BARX2: variants seen among roughly 807,000 people sequenced by gnomAD.
BARX2 encodes homeobox protein BarH-like 2.
A neutral mutation model predicts 25.5 loss-of-function variants in BARX2; 11 were observed. The observed-to-expected ratio is 0.43, with a 90% CI of 0.27 to 0.71. The LOEUF (loss-of-function observed/expected upper bound fraction) is 0.71, where lower values mean the gene tolerates loss of function less well. Among genes scored for constraint, BARX2 ranks in the 30% least tolerant of loss-of-function variants. The pLI is 0.19. For synonymous variants in BARX2, 137 were observed against 149.5 expected, an observed-to-expected ratio of 0.92 and a Z score of 0.61; for missense variants, 360 against 359.9, an observed-to-expected ratio of 1.00 and a Z score of 0.00.
At chr11:129,400,059 C>T (rs1055506998) in intron 1 of BARX2, among the ~76,000 whole-genome samples, 2 of 152,176 alleles carry the variant, frequency 1.3e-5, no homozygotes, top group South Asian at 2.1e-4. Context: ...TGATTAGAAC[C>T]GTAGACCTTT....
intron 1 of BARX2, among the ~76,000 whole-genome samples, chr11:129,430,200 T>C (rs945723283): frequency 1.3e-5 from 2 of 152,216 alleles, no homozygotes; most frequent in African/African-American, 4.8e-5. Context: ...TTCATTTCTT[T>C]GGGAATTTAC....
chr11:129,383,312 A>G (rs1861586705), intron 1 of BARX2, among the ~76,000 whole-genome samples: 1 of 152,208 alleles, frequency 6.6e-6, no homozygotes, highest in Admixed American at 6.5e-5. Flanking sequence ...TTATATGGCA[A>G]TTTAACTTCT....
At chr11:129,418,414 G>A (rs1186266565) in intron 1 of BARX2, among the ~76,000 whole-genome samples, 1 of 152,102 alleles carries the variant, frequency 6.6e-6, no homozygotes, top group African/African-American at 2.4e-5. Context: ...CAGCCCAAGC[G>A]GTTCCCCAGG....
At chr11:129,438,951 G>A (rs1373027514) in intron 2 of BARX2, among the ~76,000 whole-genome samples, 1 of 152,210 alleles carries the variant, frequency 6.6e-6, no homozygotes, top group Admixed American at 6.5e-5. Context: ...ACAAGGCAAA[G>A]AAGCGTGTCT....
chr11:129,426,478 T>C (rs1862064428), intron 1 of BARX2, among the ~76,000 whole-genome samples: 1 of 151,858 alleles, frequency 6.6e-6, no homozygotes, highest in Non-Finnish European at 1.5e-5. Context: ...GTTAAAGCAA[T>C]TCATCTGCCT....
rs1193586499 is a variant in BARX2, at chr11:129,376,951, G to T, written c.187+729G>T. Among the ~76,000 whole-genome samples, 1 of 152,224 alleles carries T rather than the reference G, an allele frequency of 6.6e-6. No homozygotes were observed. The highest frequency in any genetic ancestry group is 1.5e-5 in the Non-Finnish European group (1 of 68,034). On this transcript the variant is annotated intron_variant, in intron 1 of 3. Transcript: ENST00000281437. The surrounding 1 kb of genome is among the most constrained non-coding windows in gnomAD (Gnocchi z 4.2). Reference sequence around the variant, plus strand: ...AGAACTTAATACATATATTGAAAACGTAGTAGAGTTTCTATCGAAAATAAA... The same window carrying T: ...AGAACTTAATACATATATTGAAAACTTAGTAGAGTTTCTATCGAAAATAAA...
At chr11:129,401,784 C>T (rs561592354) in intron 1 of BARX2, among the ~76,000 whole-genome samples, 34 of 152,064 alleles carry the variant, frequency 2.2e-4, no homozygotes, top group Middle Eastern at 3.4e-3. Flanking sequence ...GGTGAAACCC[C>T]GTCTCTGCGA....
Position 129,389,728 on chromosome 11 carries a change from G to A in BARX2, c.187+13506G>A, listed in dbSNP as rs200422644. 5.3e-3 allele frequency among the ~76,000 whole-genome samples: 766 copies of A among 145,690 alleles called. 4 individuals are homozygous for A. Among genetic ancestry groups the A allele is most frequent in the South Asian group, 0.048 (221 of 4,596 alleles). ...GTTAGGGATAGTCTTTTTTTTTTTT[G>A]AAAAAAAATGAAACTATTCTTTTTT... On this transcript the variant is annotated intron_variant, in intron 1 of 3. Transcript: ENST00000281437.
At chr11:129,445,351 TCAGATGATTAAGGAATCGACAGG>T (rs1465321095) in intron 3 of BARX2, among the ~76,000 whole-genome samples, 1 of 152,316 alleles carries the variant, frequency 6.6e-6, no homozygotes, top group East Asian at 1.9e-4. Flanking sequence ...TTTTCGTGAG[TCAGATGATTAAGGAATCGACAGG>T]CAGCCTCCTC....
intron 1 of BARX2, among the ~76,000 whole-genome samples, chr11:129,403,840 C>G (rs1861801585): frequency 6.6e-6 from 1 of 152,124 alleles, no homozygotes. Context: ...CCTGCCTTAG[C>G]CTCCTGAGTA....
rs932336562 is a variant in BARX2 at position 129,390,852 on chromosome 11, C to T, written c.187+14630C>T. 2.6e-5 allele frequency among the ~76,000 whole-genome samples: 4 copies of T among 152,224 alleles called. No individual in the cohort carries two copies. The highest frequency in any genetic ancestry group is 3.4e-3 in the Middle Eastern group (1 of 294). On this transcript the variant is annotated intron_variant, in intron 1 of 3. Transcript: ENST00000281437. This position sits in a 1 kb window ranked among gnomAD's most constrained non-coding sequence, Gnocchi z 4.3. ...CATCCTGGGTCACAAAAGATCATGACGACTGTATTATAATACAATAATGGT... is the reference window on the plus strand; with the variant it reads ...CATCCTGGGTCACAAAAGATCATGATGACTGTATTATAATACAATAATGGT...
chr11:129,434,455 C>T (rs1003070834), intron 1 of BARX2, among the ~76,000 whole-genome samples: 3 of 134,312 alleles, frequency 2.2e-5, no homozygotes, highest in African/African-American at 8.3e-5. Flanking sequence ...AACAGAGACA[C>T]GGTCTCACTC....
intron 1 of BARX2, among the ~76,000 whole-genome samples, chr11:129,410,287 G>T (rs1221076646): frequency 2.0e-5 from 3 of 152,068 alleles, no homozygotes; most frequent in African/African-American, 7.2e-5. Flanking sequence ...TTTTCCAAAA[G>T]TTATTTCTTG....
chr11:129,417,842 T>G (rs1369576450), intron 1 of BARX2, among the ~76,000 whole-genome samples: 1 of 152,242 alleles, frequency 6.6e-6, no homozygotes, highest in East Asian at 1.9e-4. Context: ...AATATTACAT[T>G]GTCATTTTCG....
Position 129,451,129 on chromosome 11 carries a change from C to A in BARX2, c.574-7C>A. ...TTAGATTCAATAACAATTTTTTACTCACGTAGGTTCTTAAAGGTGGACAGG... is the reference window on the plus strand; with the variant it reads ...TTAGATTCAATAACAATTTTTTACTAACGTAGGTTCTTAAAGGTGGACAGG... On this transcript the variant is annotated splice_region_variant and splice_polypyrimidine_tract_variant and intron_variant, in intron 3 of 3. Coordinates refer to ENST00000281437, the MANE Select transcript of BARX2 (RefSeq NM_003658.5). 1 of 1,610,536 alleles carries A rather than the reference C, an allele frequency of 6.2e-7. No individual in the cohort carries two copies. Among genetic ancestry groups the A allele is most frequent in the Middle Eastern group, 1.7e-4 (1 of 6,042 alleles).
intron 1 of BARX2, among the ~76,000 whole-genome samples, chr11:129,408,020 CAAAA>C (rs59310534): frequency 1.9e-4 from 9 of 46,486 alleles, no homozygotes; most frequent in African/African-American, 3.9e-4. Flanking sequence ...GACTCCGTCT[CAAAA>C]AAAAAAAAAA....
chr11:129,416,410 G>A (rs1368282702), intron 1 of BARX2, among the ~76,000 whole-genome samples: 1 of 152,236 alleles, frequency 6.6e-6, no homozygotes, highest in Non-Finnish European at 1.5e-5. Flanking sequence ...TGGCATGACA[G>A]CCTCTTCCTA....
At chr11:129,391,800 C>CT (rs1861668712) in intron 1 of BARX2, among the ~76,000 whole-genome samples, 1 of 152,162 alleles carries the variant, frequency 6.6e-6, no homozygotes, top group Non-Finnish European at 1.5e-5. Flanking sequence ...ATTTTTGGGA[C>CT]TTTCTCTTTG....
intron 1 of BARX2, among the ~76,000 whole-genome samples, chr11:129,432,672 G>T (rs75738731): frequency 6.6e-6 from 1 of 152,122 alleles, no homozygotes; most frequent in Admixed American, 6.5e-5. Flanking sequence ...GGGATCAAGG[G>T]TCAATGAAAG....
Sources: allele counts gnomAD v4.1 joint callset (sites outside exome capture counted in the v4.1 genomes callset), GRCh38; gene constraint gnomAD v4.1.1; non-coding constraint Gnocchi (gnomAD v3.1); transcripts MANE v1.5; gene names NCBI Gene and HGNC (gene_info 2026-07-23, HGNC 2026-07-21).